The following CNOT8 variants were observed in gnomAD, a reference collection of about 807,000 sequenced individuals.
CNOT8 encodes the protein CCR4-NOT transcription complex subunit 8, also known as CAF1-like protein.
A neutral mutation model predicts 34.6 loss-of-function variants in CNOT8; 18 were observed. That is an observed-to-expected ratio of 0.52 (90% CI 0.36 to 0.77). The LOEUF (loss-of-function observed/expected upper bound fraction) is 0.77, where lower values mean the gene tolerates loss of function less well. Ranked by LOEUF, CNOT8 falls within the 30% of genes least tolerant of loss-of-function variation. The pLI, the probability that CNOT8 is intolerant of heterozygous loss-of-function variation, is 0.00. For synonymous variants in CNOT8, 101 were observed against 118.8 expected (o/e 0.85, Z 0.98); for missense variants, 189 against 347.9 (o/e 0.54, Z 3.63).
chr5:154,868,116 T>C (rs998792785), intron 3 of CNOT8, among the ~76,000 whole-genome samples: 3 of 151,648 alleles, frequency 2.0e-5, no homozygotes, highest in African/African-American at 7.3e-5. Context: ...TTTGTATTTT[T>C]CTAGTAGAGA....
chr5:154,871,758 T>C lies in CNOT8; in HGVS notation c.502T>C (p.Leu168=), dbSNP rs1762502522. ...CTATGATTTTGGCTATATGGTAAAG[T>C]TGCTTACAGATTCTCGTTTGCCAGA... ...SGYDFGYMVK[L]LTDSRLPEEE... is the part of the protein sequence containing the mutation. Residue 168 remains leucine (L), a synonymous_variant, in exon 5 of 7, where the codon TTG becomes CTG. Transcript: ENST00000285896. The C allele has an allele frequency of 6.2e-7, 1 of 1,614,070 alleles. No individual in the cohort carries two copies.
At chr5:154,871,611 A>C (rs1454170934) in intron 4 of CNOT8, 119 bp from the exon 5 acceptor site, 1 of 882,554 alleles carries the variant, frequency 1.1e-6, no homozygotes, top group Non-Finnish European at 1.8e-6. Flanking sequence ...TAAACTACTC[A>C]GAAAAAGTGA....
At chr5:154,862,806 T>C (rs1761476005) in intron 1 of CNOT8, among the ~76,000 whole-genome samples, 1 of 152,098 alleles carries the variant, frequency 6.6e-6, no homozygotes, top group Non-Finnish European at 1.5e-5. Context: ...ACATTGAAAA[T>C]GGCTAAGATG....
At chr5:154,869,601 G>C (rs1384294320) in intron 3 of CNOT8, among the ~76,000 whole-genome samples, 3 of 149,200 alleles carry the variant, frequency 2.0e-5, no homozygotes, top group Admixed American at 1.3e-4. Context: ...ATGCCACCAC[G>C]TCCGGCTAAT....
chr5:154,873,044 C>G (rs549859614), intron 6 of CNOT8, among the ~76,000 whole-genome samples: 6 of 152,304 alleles, frequency 3.9e-5, no homozygotes, highest in African/African-American at 1.4e-4. Context: ...GCTGGGATTA[C>G]AGGCATGAGC....
rs1761758538 is a variant in CNOT8 at position 154,865,244 on chromosome 5, C to G, written c.170C>G (p.Ser57Cys). The change falls in exon 3 of 7, where the codon TCC (serine) becomes TGC (cysteine). Residue 57 changes from serine to cysteine, a missense_variant. Ser to Cys is a moderately radical substitution (Grantham distance 112). Around this residue, in one of 2 missense-constraint regions of CNOT8, gnomAD observed 160 missense variants for 321.9 expected, o/e 0.50. Coordinates refer to ENST00000285896, the MANE Select transcript of CNOT8 (RefSeq NM_001301073.2). ...VVRPIGEFRS[S>C]IDYQYQLLRC... ...CGACCAATTGGTGAATTTCGTAGTTCCATAGATTACCAATATCAGCTTCTG... is the reference window on the plus strand; with the variant it reads ...CGACCAATTGGTGAATTTCGTAGTTGCATAGATTACCAATATCAGCTTCTG... 1 of 1,609,930 alleles carries G rather than the reference C, an allele frequency of 6.2e-7. No individual in the cohort carries two copies. Among genetic ancestry groups the G allele is most frequent in the African/African-American group, 1.3e-5 (1 of 74,714 alleles).
intron 6 of CNOT8, 24 bp downstream of exon 6, chr5:154,872,675 C>T (rs752550485): frequency 5.4e-6 from 8 of 1,481,272 alleles, no homozygotes; most frequent in Non-Finnish European, 7.5e-6. Context: ...AATGTGATCA[C>T]AGGCCTCTCG....
At chr5:154,861,695 TTTTG>T (rs746842135) in intron 1 of CNOT8, among the ~76,000 whole-genome samples, 9 of 152,186 alleles carry the variant, frequency 5.9e-5, no homozygotes, top group East Asian at 1.9e-4. Flanking sequence ...ATAAGCTCTT[TTTTG>T]TTTGTTTGTT....
chr5:154,867,502 TACAC>T (rs1225255959), intron 3 of CNOT8, among the ~76,000 whole-genome samples: 2 of 152,242 alleles, frequency 1.3e-5, no homozygotes, highest in Non-Finnish European at 2.9e-5. Flanking sequence ...CTCAAACAAT[TACAC>T]TAGTATTCAT....
At position 154,870,838 on chromosome 5, in the gene CNOT8, T is replaced by C; in HGVS notation, c.473+16T>C. 6.3e-7 allele frequency: 1 copy of C among 1,583,992 alleles called. No individual in the cohort carries two copies. The highest frequency in any genetic ancestry group is 2.3e-5 in the East Asian group (1 of 43,550). ...CATTTCATAGGTCAGTCCTAGGGAA[T>C]GTGTATTTCTCTCTCACTTTGGGCT... On this transcript the variant is annotated intron_variant, in intron 4 of 6. Coordinates refer to ENST00000285896, the MANE Select transcript of CNOT8 (RefSeq NM_001301073.2).
At chr5:154,865,767 C>CT (rs1330073289) in intron 3 of CNOT8, among the ~76,000 whole-genome samples, 1 of 152,116 alleles carries the variant, frequency 6.6e-6, no homozygotes, top group African/African-American at 2.4e-5. Flanking sequence ...TACATTGCTG[C>CT]TGGGAATATA....
intron 3 of CNOT8, among the ~76,000 whole-genome samples, chr5:154,869,656 C>T (rs1308482238): frequency 1.4e-5 from 2 of 144,660 alleles, no homozygotes; most frequent in South Asian, 2.2e-4. Flanking sequence ...GAGGGAGTCT[C>T]GCTCTGTCAT....
upstream of CNOT8, chr5:154,858,380 G>C (rs1228134290): frequency 6.6e-6 from 1 of 152,232 alleles, no homozygotes. Context: ...CCTATTCGGC[G>C]GCACCCTGTT....
rs766021779 is a variant in CNOT8, at chr5:154,863,368, C to T, written c.90C>T (p.Ile30=). 5.6e-6 allele frequency: 9 copies of T among 1,613,384 alleles called. No individual in the cohort carries two copies. The highest frequency in any genetic ancestry group is 2.2e-5 in the East Asian group (1 of 44,876). Residue 30 remains isoleucine (I), a synonymous_variant, in exon 2 of 7, where the codon ATC becomes ATT. Transcript: ENST00000285896. ...LEEEMRKIRE[I]VLSYSYIAMD... ...AAGAGATGAGGAAGATCCGAGAAAT[C>T]GTGCTCAGTTACAGTTATATTGCCA...
intron 6 of CNOT8, among the ~76,000 whole-genome samples, chr5:154,873,142 G>T (rs1266558600): frequency 6.6e-6 from 1 of 152,216 alleles, no homozygotes; most frequent in Non-Finnish European, 1.5e-5. Context: ...CTGACCTCAG[G>T]TGATCCGCCT....
chr5:154,867,500 A>G (rs1050063593), intron 3 of CNOT8, among the ~76,000 whole-genome samples: 1 of 152,232 alleles, frequency 6.6e-6, no homozygotes, highest in South Asian at 2.1e-4. Context: ...AGCTCAAACA[A>G]TTACACTAGT....
Position 154,870,622 on chromosome 5 carries a change from A to G in CNOT8, c.312-39A>G, listed in dbSNP as rs910249769. On this transcript the variant is annotated intron_variant, in intron 3 of 6. Transcript: ENST00000285896. ...ATAGTGTGGCCACTACTTCTGTTTCATTATTCACCAGTTAATAAATAAACA... is the reference window on the plus strand; with the variant it reads ...ATAGTGTGGCCACTACTTCTGTTTCGTTATTCACCAGTTAATAAATAAACA... The G allele has an allele frequency of 2.6e-6, 4 of 1,544,112 alleles. No homozygotes were observed. In the African/African-American group the frequency reaches 5.5e-5, roughly 21 times the overall value.
At chr5:154,867,721 C>A in intron 3 of CNOT8, 1 of 277,014 alleles carries the variant, frequency 3.6e-6, no homozygotes, top group Non-Finnish European at 7.2e-6. Flanking sequence ...AACAATAATA[C>A]ATGTGTTGCT....
At chr5:154,870,940 A>G in intron 4 of CNOT8, 118 bp downstream of exon 4, 2 of 851,480 alleles carry the variant, frequency 2.3e-6, no homozygotes, top group Non-Finnish European at 3.7e-6. Flanking sequence ...AGCAGCCAGA[A>G]GTTGAATTGG....
Sources: allele counts gnomAD v4.1 joint callset (sites outside exome capture counted in the v4.1 genomes callset), GRCh38; gene constraint gnomAD v4.1.1; regional missense constraint gnomAD v4.1.1; transcripts MANE v1.5; gene names NCBI Gene and HGNC (gene_info 2026-07-23, HGNC 2026-07-21).